RGS6: variants seen among roughly 807,000 people sequenced by gnomAD.
The protein encoded by RGS6 is regulator of G-protein signaling 6.
In RGS6, 30 loss-of-function variants were observed where a neutral mutation model predicts 78.5. That is an observed-to-expected ratio of 0.38 (90% CI 0.29 to 0.52). The LOEUF is 0.52. Among genes scored for constraint, RGS6 ranks in the 20% least tolerant of loss-of-function variants. RGS6 has a pLI of 0.85. For missense variants in RGS6, 495 were observed against 609.7 expected (o/e 0.81, Z 1.98); for synonymous variants, 206 against 206.0 (o/e 1.00, Z 0.00).
intron 1 of RGS6, among the ~76,000 whole-genome samples, chr14:71,960,390 T>C (rs1046608484): frequency 2.0e-5 from 3 of 152,226 alleles, no homozygotes; most frequent in Non-Finnish European, 4.4e-5. Flanking sequence ...TCTTTGTTGA[T>C]CAAGAGTCTT....
chr14:72,107,148 G>A (rs1015287932), intron 2 of RGS6, among the ~76,000 whole-genome samples: 4 of 152,016 alleles, frequency 2.6e-5, no homozygotes, highest in South Asian at 2.1e-4. Context: ...TTGAAAAGCC[G>A]GTTGAATGCT....
chr14:72,311,190 G>A (rs138131889), intron 2 of RGS6, among the ~76,000 whole-genome samples: 249 of 152,272 alleles, frequency 1.6e-3, no homozygotes, highest in African/African-American at 5.5e-3. Flanking sequence ...AAGGCCCTTT[G>A]CTTCACAAAA....
intron 13 of RGS6, among the ~76,000 whole-genome samples, chr14:72,507,213 C>A (rs1451454120): frequency 6.6e-6 from 1 of 151,912 alleles, no homozygotes; most frequent in African/African-American, 2.4e-5. Context: ...ACTTACAGAG[C>A]AAACACCATG....
At chr14:72,233,887 G>A (rs898155303) in intron 2 of RGS6, among the ~76,000 whole-genome samples, 26 of 152,162 alleles carry the variant, frequency 1.7e-4, no homozygotes, top group African/African-American at 6.0e-4. Context: ...GACCTTGGCT[G>A]TTTGTGGTGA....
intron 2 of RGS6, among the ~76,000 whole-genome samples, chr14:72,084,216 A>G (rs929709185): frequency 2.6e-5 from 4 of 152,186 alleles, no homozygotes; most frequent in African/African-American, 7.2e-5. Context: ...GGAGTGGGCA[A>G]CCTAGATCCC....
chr14:71,891,467 A>G, the RGS6 span, among the ~76,000 whole-genome samples: 1 of 152,198 alleles, frequency 6.6e-6, no homozygotes, highest in Non-Finnish European at 1.5e-5. Flanking sequence ...GGTCTTAGCC[A>G]CGGTGGTCCA....
intron 17 of RGS6, among the ~76,000 whole-genome samples, chr14:72,549,714 G>A (rs569465217): frequency 1.3e-5 from 2 of 152,240 alleles, no homozygotes; most frequent in East Asian, 3.9e-4. Flanking sequence ...ATACAAAAAT[G>A]AGCCAGGTGT....
At chr14:72,477,438 C>G (rs2096266032) in intron 11 of RGS6, among the ~76,000 whole-genome samples, 2 of 151,822 alleles carry the variant, frequency 1.3e-5, no homozygotes, top group South Asian at 4.2e-4. Flanking sequence ...CTTTGAGGTG[C>G]TTGCCCTTGA....
At chr14:72,522,124 T>G (rs901681504) in intron 15 of RGS6, among the ~76,000 whole-genome samples, 1 of 152,190 alleles carries the variant, frequency 6.6e-6, no homozygotes, top group Non-Finnish European at 1.5e-5. Flanking sequence ...TTTATCACAG[T>G]TCTCGAGACT....
chr14:71,967,189 GTATATA>G (rs10571406), intron 2 of RGS6, among the ~76,000 whole-genome samples: 4 of 145,856 alleles, frequency 2.7e-5, no homozygotes, highest in East Asian at 2.0e-4. Context: ...TGTGTAAAGA[GTATATA>G]TATATATATA....
chr14:72,339,025 G>A (rs1349749679), intron 2 of RGS6, among the ~76,000 whole-genome samples: 1 of 152,156 alleles, frequency 6.6e-6, no homozygotes, highest in Non-Finnish European at 1.5e-5. Context: ...CTTTAGAATT[G>A]ATAAAAAGTA....
the RGS6 span, among the ~76,000 whole-genome samples, chr14:71,871,591 G>A: frequency 6.6e-6 from 1 of 152,014 alleles, no homozygotes; most frequent in Admixed American, 6.6e-5. Context: ...CTCTATTCCT[G>A]ACTGTAGATT....
intron 15 of RGS6, among the ~76,000 whole-genome samples, chr14:72,527,589 A>G (rs944043938): frequency 7.2e-5 from 11 of 152,210 alleles, no homozygotes; most frequent in African/African-American, 2.7e-4. Flanking sequence ...CTTTCTCCAG[A>G]ATCTCTCTCA....
At chr14:71,988,160 G>A (rs2094802734) in intron 2 of RGS6, among the ~76,000 whole-genome samples, 1 of 152,180 alleles carries the variant, frequency 6.6e-6, no homozygotes. Flanking sequence ...TGAGCCCTTC[G>A]AGGAGCTAGT....
chr14:72,044,288 G>A (rs1357081804), intron 2 of RGS6, among the ~76,000 whole-genome samples: 1 of 152,160 alleles, frequency 6.6e-6, no homozygotes, highest in Admixed American at 6.5e-5. Context: ...GGGATACCCA[G>A]ATAGCTAGAA....
chr14:72,600,409 A>T, the RGS6 span, among the ~76,000 whole-genome samples: 1 of 146,098 alleles, frequency 6.8e-6, no homozygotes, highest in East Asian at 2.1e-4. Flanking sequence ...TTCTCCTTCC[A>T]TTTGCCCAGG....
chr14:72,078,465 G>C (rs983172235), intron 2 of RGS6, among the ~76,000 whole-genome samples: 2 of 151,658 alleles, frequency 1.3e-5, no homozygotes, highest in African/African-American at 4.9e-5. Flanking sequence ...CCAGGCTAGA[G>C]TGCAGTGGCG....
At chr14:72,541,962 A>G (rs182188676) in intron 17 of RGS6, among the ~76,000 whole-genome samples, 2 of 152,302 alleles carry the variant, frequency 1.3e-5, no homozygotes, top group African/African-American at 4.8e-5. Context: ...CTGTTAGCAA[A>G]GCATTTGGAA....
chr14:72,064,365 A>G (rs1041824370), intron 2 of RGS6, among the ~76,000 whole-genome samples: 10 of 152,214 alleles, frequency 6.6e-5, no homozygotes, highest in Admixed American at 4.6e-4. Flanking sequence ...TTCCTTTGAA[A>G]TAAAAAGTTG....
Sources: gnomAD v4.1 joint callset for allele counts (sites outside exome capture counted in the v4.1 genomes callset) on GRCh38, gnomAD v4.1.1 for gene constraint, MANE v1.5 for transcripts, NCBI Gene and HGNC (gene_info 2026-07-23, HGNC 2026-07-21) for gene names.